Variants in NFATC2 observed in about 807,000 individuals in gnomAD.
NFATC2 encodes nuclear factor of activated T cells 2, also known as nuclear factor of activated T-cells, cytoplasmic 2.
NFATC2 carries 22 observed loss-of-function variants against 87.3 expected under a neutral mutation model. That is an observed-to-expected ratio of 0.25 (90% CI 0.18 to 0.36). The LOEUF is 0.36. Ranked by LOEUF, NFATC2 falls within the 10% of genes least tolerant of loss-of-function variation. The pLI is 1.00. For missense variants in NFATC2, 1,149 were observed against 1,259.1 expected (o/e 0.91, Z 1.32); for synonymous variants, 565 against 542.2 (o/e 1.04, Z -0.58).
intron 10 of NFATC2, among the ~76,000 whole-genome samples, chr20:51,392,675 G>T (rs1986498952): frequency 6.6e-6 from 1 of 152,132 alleles, no homozygotes; most frequent in African/African-American, 2.4e-5. Context: ...CCATTTCCTG[G>T]TTCTGACACT....
Position 51,388,634 on chromosome 20 carries a change from A to G in NFATC2, c.*2862T>C, listed in dbSNP as rs1318761676. The stretch of plus-strand genomic sequence containing the variant: ...GGTAAAAAGCATAAAAATACAGGTA[A>G]GAAAATAAAATTTAATAACATACTA... On this transcript the variant is annotated 3_prime_UTR_variant, in exon 11 of 11. Transcript: ENST00000371564. 6.6e-6 allele frequency: 1 copy of G among 152,224 alleles called. No homozygotes were observed. The highest frequency in any genetic ancestry group is 1.5e-5 in the Non-Finnish European group (1 of 68,036). The allele number at this position is 152,224 out of a possible 1,614,324, so 9.4% of individuals were successfully genotyped here.
chr20:51,454,672 G>A lies in NFATC2; in HGVS notation c.1725C>T (p.His575=), dbSNP rs147040730. 2.2e-4 allele frequency: 362 copies of A among 1,613,886 alleles called. No individual in the cohort carries two copies. Among genetic ancestry groups the A allele is most frequent in the Non-Finnish European group, 2.5e-4 (300 of 1,180,006 alleles). ...CTTGTCTTTCAACCATGGGCAGCTC[G>A]TGAGCAGATCGCTGGGCTGCAGGCA... The part of the protein sequence containing the change: ...NPIECSQRSA[H]ELPMVERQDT... The change falls in exon 6 of 11, where the codon CAC becomes CAT. Residue 575 remains histidine, a synonymous_variant. Coordinates refer to ENST00000371564, the MANE Select transcript of NFATC2 (RefSeq NM_012340.5).
intron 9 of NFATC2, among the ~76,000 whole-genome samples, chr20:51,405,833 T>C (rs2146256225): frequency 6.6e-6 from 1 of 152,310 alleles, no homozygotes; most frequent in South Asian, 2.1e-4. Flanking sequence ...GGTCTGGCTT[T>C]CAACTGTCTC....
At chr20:51,502,328 G>C (rs879490684) in intron 3 of NFATC2, among the ~76,000 whole-genome samples, 15 of 152,116 alleles carry the variant, frequency 9.9e-5, no homozygotes, top group Non-Finnish European at 1.6e-4. Flanking sequence ...TATCTTTACT[G>C]TTTGGGGTTT....
Position 51,474,107 on chromosome 20 carries a change from C to T in NFATC2, c.1581G>A (p.Glu527=). The T allele has an allele frequency of 6.2e-7, 1 of 1,614,220 alleles. No individual in the cohort carries two copies. Among genetic ancestry groups the T allele is most frequent in the African/African-American group, 1.3e-5 (1 of 75,052 alleles). The change falls in exon 5 of 11, where the codon GAG becomes GAA. Residue 527 remains glutamate, a synonymous_variant. Transcript: ENST00000371564. ...GILKLRNADI[E]LRKGETDIGR... ...CAATGTCCGTCTCGCCTTTCCGCAG[C>T]TCAATGTCGGCGTTTCTAAGCTTCA...
intron 6 of NFATC2, among the ~76,000 whole-genome samples, chr20:51,447,923 G>A (rs112843184): frequency 1.2e-4 from 18 of 152,324 alleles, no homozygotes; most frequent in African/African-American, 4.1e-4. Context: ...CTGACCTGGG[G>A]TGCATGACTT....
Position 51,388,923 on chromosome 20 carries a change from A to G in NFATC2, c.*2573T>C, listed in dbSNP as rs1986046867. On this transcript the variant is annotated 3_prime_UTR_variant, in exon 11 of 11. Coordinates refer to ENST00000371564, the MANE Select transcript of NFATC2 (RefSeq NM_012340.5). ...CTTATTGCCTCTTCCCGTACTGGAA[A>G]TATTTCATGAGCCATCCTTCTTGGC... The G allele has an allele frequency of 6.6e-6, 1 of 152,220 alleles. No individual in the cohort carries two copies. Among genetic ancestry groups the G allele is most frequent in the African/African-American group, 2.4e-5 (1 of 41,462 alleles). 9.4% of individuals were successfully genotyped at this position (152,220 alleles called of 1,614,324 possible).
intron 9 of NFATC2, among the ~76,000 whole-genome samples, chr20:51,429,982 C>T (rs964175324): frequency 3.3e-5 from 5 of 152,112 alleles, no homozygotes; most frequent in African/African-American, 9.7e-5. Flanking sequence ...AAAAGGGTCT[C>T]GGTGCTCAGC....
intron 10 of NFATC2, among the ~76,000 whole-genome samples, chr20:51,396,484 G>A (rs1987163070): frequency 6.6e-6 from 1 of 152,170 alleles, no homozygotes; most frequent in South Asian, 2.1e-4. Flanking sequence ...GCAGCAACAG[G>A]AAGGAACGGA....
At position 51,516,951 on chromosome 20, in the gene NFATC2, G is replaced by A. The variant is rs1282663648; in HGVS notation, c.1165C>T (p.Pro389Ser). 6.2e-7 allele frequency: 1 copy of A among 1,601,344 alleles called. No homozygotes were observed. Among genetic ancestry groups the A allele is most frequent in the Admixed American group, 1.7e-5 (1 of 57,522 alleles). ...AGTGGAGGGAGGGATGCAGTCACTG[G>A]GATGCTAAAGGAGAAAATAAAATCA... ...LVPAIPICSIPVTASLPPLEW... is the reference protein window; with the variant it reads ...LVPAIPICSISVTASLPPLEW... Residue 389 changes from proline (P) to serine (S), a missense_variant, in exon 3 of 11, where the codon CCA becomes TCA. Pro to Ser is a moderately conservative substitution (Grantham distance 74). Transcript: ENST00000371564.
intron 3 of NFATC2, among the ~76,000 whole-genome samples, chr20:51,513,517 A>G (rs2076304704): frequency 6.6e-6 from 1 of 152,226 alleles, no homozygotes; most frequent in South Asian, 2.1e-4. Flanking sequence ...ACAAAGTCAC[A>G]TGCATGAAGA....
chr20:51,448,776 G>C (rs1985410038), intron 6 of NFATC2, among the ~76,000 whole-genome samples: 1 of 152,238 alleles, frequency 6.6e-6, no homozygotes, highest in African/African-American at 2.4e-5. Context: ...TGTTGCTATG[G>C]CCAAGTGGCA....
At chr20:51,464,592 C>G (rs999275457) in intron 5 of NFATC2, among the ~76,000 whole-genome samples, 2 of 151,682 alleles carry the variant, frequency 1.3e-5, no homozygotes, top group African/African-American at 4.8e-5. Flanking sequence ...CCAACCTGCT[C>G]TCTGCCCAAT....
intron 5 of NFATC2, among the ~76,000 whole-genome samples, chr20:51,464,921 A>G (rs1383847574): frequency 6.6e-6 from 1 of 152,202 alleles, no homozygotes; most frequent in Non-Finnish European, 1.5e-5. Context: ...CTCTTCTCAT[A>G]CTGATTCAGC....
intron 9 of NFATC2, among the ~76,000 whole-genome samples, chr20:51,402,213 C>T (rs1988118481): frequency 6.6e-6 from 1 of 152,198 alleles, no homozygotes. Context: ...GAAGGACTAA[C>T]CAACTGTGTA....
Position 51,523,749 on chromosome 20 carries a change from C to A in NFATC2, c.492G>T (p.Pro164=), listed in dbSNP as rs756149890. 4 of 1,610,966 alleles carry A rather than the reference C, an allele frequency of 2.5e-6. No homozygotes were observed. The highest frequency in any genetic ancestry group is 1.7e-6 in the Non-Finnish European group (2 of 1,178,454). The part of the protein sequence containing the change: ...PVPGFEGYRE[P]LCLSPASSGS... ...CGCTGCTAGCGGGGCTCAAGCAAAG[C>A]GGCTCGCGGTAGCCCTCGAAGCCGG... Residue 164 remains proline, a synonymous_variant, in exon 2 of 11, where the codon CCG becomes CCT. Transcript: ENST00000371564. This position sits in a 1 kb window ranked among gnomAD's most constrained non-coding sequence, Gnocchi z 6.9.
At position 51,394,880 on chromosome 20, in the gene NFATC2, C is replaced by T. The variant is rs192429452; in HGVS notation, c.*45-3429G>A. Among the ~76,000 whole-genome samples, 89 of 152,328 alleles carry T rather than the reference C, an allele frequency of 5.8e-4. 1 individual carries two copies. The East Asian group carries it at 0.012, about 20-fold the overall frequency. On this transcript the variant is annotated intron_variant, in intron 10 of 10. Transcript: ENST00000371564. ...CAGTGTTCTGCCTCTTCCTGGAAGC[C>T]GCCCCACATTCCTGCCATGGTGCCC...
Position 51,523,029 on chromosome 20 carries a change from C to A in NFATC2, c.1160+52G>T. ...GAATCCCATGCTCATAACCAGAAAA[C>A]CATCTCTTAAAACTAAACCACAGAA... On this transcript the variant is annotated intron_variant, in intron 2 of 10. Transcript: ENST00000371564. The surrounding 1 kb of genome is among the most constrained non-coding windows in gnomAD (Gnocchi z 6.9). The A allele has an allele frequency of 1.9e-6, 3 of 1,606,784 alleles. No individual in the cohort carries two copies. The highest frequency in any genetic ancestry group is 1.7e-4 in the Middle Eastern group (1 of 6,052).
At chr20:51,436,628 T>C (rs1983618063) in intron 6 of NFATC2, among the ~76,000 whole-genome samples, 1 of 151,970 alleles carries the variant, frequency 6.6e-6, no homozygotes, top group African/African-American at 2.4e-5. Context: ...GGCATGAGAA[T>C]TGCCTGAACC....
Sources: allele counts gnomAD v4.1 joint callset (sites outside exome capture counted in the v4.1 genomes callset), GRCh38; gene constraint gnomAD v4.1.1; non-coding constraint Gnocchi (gnomAD v3.1); transcripts MANE v1.5; gene names NCBI Gene and HGNC (gene_info 2026-07-23, HGNC 2026-07-21).